The following KDM7A variants were observed in gnomAD, a reference collection of about 807,000 sequenced individuals.
KDM7A encodes the protein lysine-specific demethylase 7A.
In KDM7A, 28 loss-of-function variants were observed where a neutral mutation model predicts 114.8. The ratio of observed to expected loss-of-function variants is 0.24; its 90% confidence interval spans 0.18 to 0.33. The LOEUF (loss-of-function observed/expected upper bound fraction) is 0.33, where lower values mean the gene tolerates loss of function less well. KDM7A is among the 10% of genes least tolerant of loss of function. The pLI is 1.00. For synonymous variants in KDM7A, 423 were observed against 397.8 expected (o/e 1.06, Z -0.75); for missense variants, 942 against 1,142.5 (o/e 0.82, Z 2.53).
intron 11 of KDM7A, among the ~76,000 whole-genome samples, chr7:140,104,555 T>C (rs1310671795): frequency 1.3e-5 from 2 of 152,242 alleles, no homozygotes; most frequent in Non-Finnish European, 1.5e-5. Context: ...ATTTATTAAA[T>C]AGGGAATCGT....
chr7:140,099,158 A>G (rs1818161530), intron 13 of KDM7A, 125 bp from the exon 14 acceptor site: 1 of 773,044 alleles, frequency 1.3e-6, no homozygotes, highest in African/African-American at 1.7e-5. Flanking sequence ...ATTTCATTCA[A>G]CTGTGCAATA....
At chr7:140,146,062 G>C (rs1399712231) in intron 1 of KDM7A, among the ~76,000 whole-genome samples, 1 of 152,090 alleles carries the variant, frequency 6.6e-6, no homozygotes, top group Non-Finnish European at 1.5e-5. Flanking sequence ...GTCAGTGAAG[G>C]CTTCAGGTTT....
At chr7:140,102,196 G>T in intron 11 of KDM7A, 36 bp from the exon 12 acceptor site, 1 of 1,443,406 alleles carries the variant, frequency 6.9e-7, no homozygotes, top group Non-Finnish European at 9.8e-7. Context: ...TTTATAAGAA[G>T]GCTGTTACAC....
intron 12 of KDM7A, among the ~76,000 whole-genome samples, chr7:140,101,575 T>C (rs777489875): frequency 2.6e-5 from 4 of 152,146 alleles, no homozygotes; most frequent in Non-Finnish European, 5.9e-5. Flanking sequence ...ACGCTTATCA[T>C]CTGAAATTGT....
At chr7:140,126,573 A>C (rs1818707571) in intron 6 of KDM7A, 64 bp downstream of exon 6, 3 of 985,730 alleles carry the variant, frequency 3.0e-6, no homozygotes, top group Non-Finnish European at 4.3e-6. Flanking sequence ...AAATGAATAT[A>C]CCACTGAAAA....
chr7:140,111,775 A>T (rs1818436585), intron 10 of KDM7A, among the ~76,000 whole-genome samples: 1 of 152,180 alleles, frequency 6.6e-6, no homozygotes, highest in Admixed American at 6.5e-5. Context: ...CCTGGCCAAC[A>T]TGGCAAAACC....
At chr7:140,115,706 T>C (rs968441440) in intron 9 of KDM7A, among the ~76,000 whole-genome samples, 5 of 151,788 alleles carry the variant, frequency 3.3e-5, no homozygotes, top group Admixed American at 3.3e-4. Flanking sequence ...CTTTGTTCAC[T>C]TGTTTATCTG....
chr7:140,133,764 A>T (rs887192685), intron 2 of KDM7A, 108 bp from the exon 3 acceptor site: 8 of 575,514 alleles, frequency 1.4e-5, no homozygotes, highest in African/African-American at 9.3e-5. Context: ...TAAGTACATT[A>T]AAAACACTCA....
chr7:140,106,015 T>C (rs1010042906), intron 11 of KDM7A, among the ~76,000 whole-genome samples: 4 of 152,232 alleles, frequency 2.6e-5, no homozygotes, highest in Non-Finnish European at 5.9e-5. Flanking sequence ...GGTTTAGTCT[T>C]GGAAGGGTGT....
intron 1 of KDM7A, among the ~76,000 whole-genome samples, chr7:140,145,365 T>C (rs1237968608): frequency 1.3e-5 from 2 of 152,176 alleles, no homozygotes; most frequent in African/African-American, 4.8e-5. Context: ...GGGGTCTTAA[T>C]GGCTCCCAGC....
chr7:140,117,468 AG>A (rs1818549803), intron 9 of KDM7A, among the ~76,000 whole-genome samples: 1 of 131,698 alleles, frequency 7.6e-6, no homozygotes, highest in Non-Finnish European at 1.7e-5. Flanking sequence ...CCAAGGGTAG[AG>A]GCGTGTGTGT....
intron 2 of KDM7A, 101 bp downstream of exon 2, chr7:140,139,004 A>G (rs1488902423): frequency 2.7e-6 from 2 of 747,524 alleles, no homozygotes; most frequent in South Asian, 1.7e-5. Context: ...AGGGTGTAAT[A>G]TAACTCCTCA....
In KDM7A at chr7:140,113,497, T is replaced by C. The variant is rs1377213613; in HGVS notation, c.1332A>G (p.Lys444=). The change falls in exon 10 of 20, where the codon AAA becomes AAG. Residue 444 remains lysine, a synonymous_variant. Transcript: ENST00000397560. ...CACTGTTGAAACAACTTACTTCTTT[T>C]TTCATCCATAATTTTAAAGCAGTAT... ...ALHTALKLWM[K]KELVSEHAFE... The C allele has an allele frequency of 1.3e-6, 2 of 1,569,112 alleles. No individual in the cohort carries two copies. The highest frequency in any genetic ancestry group is 2.7e-5 in the African/African-American group (2 of 73,738).
At position 140,091,020 on chromosome 7, in the gene KDM7A, G is replaced by A. The variant is rs1333606576; in HGVS notation, c.*74C>T. 2 of 1,023,036 alleles carry A rather than the reference G, an allele frequency of 2.0e-6. No individual in the cohort carries two copies. Among genetic ancestry groups the A allele is most frequent in the Non-Finnish European group, 3.1e-6 (2 of 644,770 alleles). 63.4% of individuals were successfully genotyped at this position (1,023,036 alleles called of 1,614,324 possible). A position where few individuals can be genotyped will look rare whatever the true frequency, so the allele number is the denominator to read the frequency against. ...ACACACAAACTGCTCCAGGCAGGGG[G>A]ACAGCGGAAGCTCCAGGCTCCTGCA... On this transcript the variant is annotated 3_prime_UTR_variant, in exon 20 of 20. Coordinates refer to ENST00000397560, the MANE Select transcript of KDM7A (RefSeq NM_030647.2).
intron 1 of KDM7A, among the ~76,000 whole-genome samples, chr7:140,173,473 G>C (rs1052006871): frequency 5.9e-5 from 9 of 152,120 alleles, no homozygotes; most frequent in Non-Finnish European, 1.0e-4. Context: ...CAACTTTTCA[G>C]ATTTCCTTAT....
At chr7:140,099,301 C>CCT (rs1166575179) in intron 13 of KDM7A, among the ~76,000 whole-genome samples, 3 of 152,128 alleles carry the variant, frequency 2.0e-5, no homozygotes. Flanking sequence ...CTCAAGCGAT[C>CCT]CTCTCACCTC....
At chr7:140,146,775 A>G (rs550960445) in intron 1 of KDM7A, among the ~76,000 whole-genome samples, 1 of 152,274 alleles carries the variant, frequency 6.6e-6, no homozygotes, top group Non-Finnish European at 1.5e-5. Flanking sequence ...CATTGTCTTA[A>G]TCTTCTGAAA....
chr7:140,112,032 T>C (rs190628342), intron 10 of KDM7A, among the ~76,000 whole-genome samples: 20 of 152,332 alleles, frequency 1.3e-4, no homozygotes, highest in African/African-American at 4.3e-4. Flanking sequence ...GGAAACAAAT[T>C]ATACAGTTTT....
At chr7:140,165,457 C>T (rs1794563618) in intron 1 of KDM7A, among the ~76,000 whole-genome samples, 1 of 152,178 alleles carries the variant, frequency 6.6e-6, no homozygotes, top group African/African-American at 2.4e-5. Flanking sequence ...ACAGTAGTCC[C>T]CTCCTTATTT....
Sources: gnomAD v4.1 joint callset for allele counts (sites outside exome capture counted in the v4.1 genomes callset) on GRCh38, gnomAD v4.1.1 for gene constraint, MANE v1.5 for transcripts, NCBI Gene and HGNC (gene_info 2026-07-23, HGNC 2026-07-21) for gene names.